Variants in ARHGEF10 observed in about 807,000 individuals in gnomAD.
ARHGEF10 encodes Rho guanine nucleotide exchange factor 10.
A neutral mutation model predicts 147.4 loss-of-function variants in ARHGEF10; 140 were observed. The ratio of observed to expected loss-of-function variants is 0.95; its 90% CI spans 0.83 to 1.09. The LOEUF is 1.09. Among genes scored for constraint, ARHGEF10 ranks in the 50% least tolerant of loss-of-function variants. ARHGEF10 has a pLI of 0.00. For missense variants in ARHGEF10, 2,222 were observed against 1,752.7 expected (o/e 1.27, Z -4.78); for synonymous variants, 902 against 695.8 (o/e 1.30, Z -4.67).
chr8:1,902,452 C>G (rs371290578), intron 15 of ARHGEF10, among the ~76,000 whole-genome samples: 26 of 152,206 alleles, frequency 1.7e-4, no homozygotes, highest in African/African-American at 5.8e-4. Flanking sequence ...CCTTTGACCT[C>G]CTCGTGCTTG....
chr8:1,948,043 T>A lies in ARHGEF10; in HGVS notation c.3397+2388T>A, dbSNP rs902804610. Among the ~76,000 whole-genome samples, 1 of 152,052 alleles carries A rather than the reference T, an allele frequency of 6.6e-6. No individual in the cohort carries two copies. The highest frequency in any genetic ancestry group is 2.4e-5 in the African/African-American group (1 of 41,400). ...TGTTGCGTGTTTTGGATGATGAAGT[T>A]GTCTGTGGCTGGGCGCTGAGCCTTC... On this transcript the variant is annotated intron_variant, in intron 27 of 28. Transcript: ENST00000349830. The surrounding 1 kb of genome is among the most constrained non-coding windows in gnomAD (Gnocchi z 4.9).
Position 1,937,200 on chromosome 8 carries a change from C to T in ARHGEF10, c.3222+3258C>T, listed in dbSNP as rs1005952941. Among the ~76,000 whole-genome samples the T allele has an allele frequency of 3.9e-5, 6 of 152,178 alleles. No individual in the cohort carries two copies. The highest frequency in any genetic ancestry group is 7.3e-5 in the Non-Finnish European group (5 of 68,028). ...TACTTTTCATATCCATCTGACACTT[C>T]TTATTTCACGTGCCCTGAGAATGAG... On this transcript the variant is annotated intron_variant, in intron 26 of 28. Coordinates refer to ENST00000349830, the MANE Select transcript of ARHGEF10 (RefSeq NM_014629.4). This position sits in a 1 kb window ranked among gnomAD's most constrained non-coding sequence, Gnocchi z 4.9.
chr8:1,953,259 A>G (rs1421537654), intron 28 of ARHGEF10, among the ~76,000 whole-genome samples: 2 of 22,492 alleles, frequency 8.9e-5, no homozygotes, highest in African/African-American at 2.1e-4. Flanking sequence ...TATTGTGAAG[A>G]AGGAAGCCGG....
intron 26 of ARHGEF10, among the ~76,000 whole-genome samples, chr8:1,936,107 G>A (rs527303507): frequency 3.6e-4 from 51 of 142,786 alleles, no homozygotes; most frequent in Middle Eastern, 3.6e-3. Context: ...ATGAGGTTGC[G>A]CTGTCTTGTT....
Position 1,948,689 on chromosome 8 carries a change from G to C in ARHGEF10, c.3397+3034G>C, listed in dbSNP as rs1311319745. The stretch of plus-strand genomic sequence containing the variant: ...TTTGTGACTCAGAGGGAATGAGCAG[G>C]CCAGAGAGTCCTTTCCTCCAGAGAG... On this transcript the variant is annotated intron_variant, in intron 27 of 28. Transcript: ENST00000349830. This position sits in a 1 kb window ranked among gnomAD's most constrained non-coding sequence, Gnocchi z 4.9. Among the ~76,000 whole-genome samples, 1 of 152,198 alleles carries C rather than the reference G, an allele frequency of 6.6e-6. No homozygotes were observed. Among genetic ancestry groups the C allele is most frequent in the Non-Finnish European group, 1.5e-5 (1 of 68,046 alleles).
chr8:1,926,779 A>G (rs1489710790), intron 23 of ARHGEF10: 2 of 382,824 alleles, frequency 5.2e-6, no homozygotes, highest in Non-Finnish European at 4.8e-6. Context: ...TCAACATTGC[A>G]TGGATTTTTT....
At chr8:1,896,748 C>T (rs538712878) in intron 14 of ARHGEF10, among the ~76,000 whole-genome samples, 12 of 152,310 alleles carry the variant, frequency 7.9e-5, no homozygotes, top group East Asian at 1.9e-4. Flanking sequence ...CACTGTCCTT[C>T]GGTATGGTAT....
intron 3 of ARHGEF10, among the ~76,000 whole-genome samples, chr8:1,859,265 G>A (rs1265890182): frequency 6.7e-6 from 1 of 150,352 alleles, no homozygotes; most frequent in Non-Finnish European, 1.5e-5. Flanking sequence ...CATAGCACCT[G>A]CCTCTTGGTT....
At position 1,900,076 on chromosome 8, in the gene ARHGEF10, A is replaced by G. The variant is rs1200168055; in HGVS notation, c.1650+1551A>G. Among the ~76,000 whole-genome samples the G allele has an allele frequency of 1.3e-5, 2 of 152,272 alleles. 1 individual carries two copies. The highest frequency in any genetic ancestry group is 4.1e-4 in the South Asian group (2 of 4,838). The stretch of plus-strand genomic sequence containing the variant: ...CGTTGTTGGCTTTCTATGATTTATC[A>G]GAATACTTTCTAAATTTTTTAAATT... On this transcript the variant is annotated intron_variant, in intron 15 of 28. Transcript: ENST00000349830.
At chr8:1,911,452 T>C (rs1811347524) in intron 18 of ARHGEF10, among the ~76,000 whole-genome samples, 1 of 152,220 alleles carries the variant, frequency 6.6e-6, no homozygotes, top group African/African-American at 2.4e-5. Context: ...AAAAGAAACT[T>C]TTAAAACAAA....
rs1563234301 is a variant in ARHGEF10 at position 1,888,264 on chromosome 8, AGTGGGGCTGTAGGTTCTGAGGAGGG to A, written c.1182+2564_1182+2588del. 3.9e-4 allele frequency among the ~76,000 whole-genome samples: 23 copies of A among 58,578 alleles called. 4 individuals are homozygous for A. In the South Asian group the frequency reaches 6.1e-3, roughly 16 times the overall value. The allele number at this position is 58,578 out of a possible 152,430, so 38.4% of individuals were successfully genotyped here. On this transcript the variant is annotated intron_variant, in intron 11 of 28. Transcript: ENST00000349830. ...TGGTGAGGGTTGCGAGGAGATGCTG[AGTGGGGCTGTAGGTTCTGAGGAGGG>A]GTGGGGTGAGGGTTTGTGAGGATAT...
At chr8:1,858,205 T>TCACCAGGTGAG in intron 3 of ARHGEF10, 90 bp downstream of exon 3, 2 of 1,231,068 alleles carry the variant, frequency 1.6e-6, no homozygotes, top group Non-Finnish European at 2.2e-6. Context: ...ACCAGGTGAG[T>TCACCAGGTGAG]TCCCAGGTGA....
At position 1,894,582 on chromosome 8, in the gene ARHGEF10, C is replaced by T. The variant is rs189787883; in HGVS notation, c.1440+10C>T. On this transcript the variant is annotated intron_variant, in intron 13 of 28. Transcript: ENST00000349830. ...TGTCTTCGTGGCTTCGGTAATTAAG[C>T]TGGGACACCTGGATGTCCATGGGGC... 6,108 of 1,613,718 alleles carry T rather than the reference C, an allele frequency of 3.8e-3. 23 individuals carry two copies. Among genetic ancestry groups the T allele is most frequent in the Non-Finnish European group, 4.5e-3 (5,288 of 1,179,818 alleles).
chr8:1,874,044 G>A (rs1311092156), intron 7 of ARHGEF10, among the ~76,000 whole-genome samples: 2 of 152,206 alleles, frequency 1.3e-5, no homozygotes, highest in African/African-American at 4.8e-5. Flanking sequence ...CGATGGCGCT[G>A]CCTGGTCACT....
intron 11 of ARHGEF10, among the ~76,000 whole-genome samples, chr8:1,889,677 T>G (rs1321941096): frequency 1.3e-5 from 1 of 77,760 alleles, no homozygotes; most frequent in African/African-American, 6.1e-5. Context: ...GGGGTGAGGG[T>G]CGTGAGGAAA....
chr8:1,919,593 G>C (rs1267258201), intron 18 of ARHGEF10, among the ~76,000 whole-genome samples: 2 of 150,316 alleles, frequency 1.3e-5, no homozygotes, highest in South Asian at 4.2e-4. Flanking sequence ...TGATGGAGCT[G>C]TTCTGTGGGT....
intron 2 of ARHGEF10, among the ~76,000 whole-genome samples, chr8:1,853,364 C>G (rs536132907): frequency 6.6e-6 from 1 of 152,370 alleles, no homozygotes; most frequent in Admixed American, 6.5e-5. Context: ...CATGGTGTGT[C>G]CAGCGAATGA....
At chr8:1,842,205 A>G (rs1804149750) in intron 1 of ARHGEF10, among the ~76,000 whole-genome samples, 1 of 151,562 alleles carries the variant, frequency 6.6e-6, no homozygotes, top group South Asian at 2.1e-4. Context: ...GAATACAGGA[A>G]GGCAGAAGGG....
chr8:1,947,146 C>G (rs1814655108), intron 27 of ARHGEF10, among the ~76,000 whole-genome samples: 1 of 152,158 alleles, frequency 6.6e-6, no homozygotes, highest in Admixed American at 6.5e-5. Context: ...AAAACCAAGT[C>G]ACATCCGTAA....
Sources: allele counts gnomAD v4.1 joint callset (sites outside exome capture counted in the v4.1 genomes callset), GRCh38; gene constraint gnomAD v4.1.1; non-coding constraint Gnocchi (gnomAD v3.1); transcripts MANE v1.5; gene names NCBI Gene and HGNC (gene_info 2026-07-23, HGNC 2026-07-21).